Variants in TLN2 observed in about 807,000 individuals in gnomAD.
TLN2 encodes the protein talin-2.
A neutral mutation model predicts 294.7 loss-of-function variants in TLN2; 118 were observed. The observed-to-expected ratio is 0.40, with a 90% CI of 0.34 to 0.47. TLN2 has a LOEUF of 0.47. Ranked by LOEUF, TLN2 falls within the 20% of genes least tolerant of loss-of-function variation. TLN2 has a pLI of 0.84. For missense variants in TLN2, 3,083 were observed against 3,282.2 expected (o/e 0.94, Z 1.48); for synonymous variants, 1,431 against 1,304.5 (o/e 1.10, Z -2.09).
In TLN2 at chr15:62,414,346, C is replaced by G. The variant is rs116305175; in HGVS notation, c.-238+23661C>G. Among the ~76,000 whole-genome samples, 1,265 of 136,922 alleles carry G rather than the reference C, an allele frequency of 9.2e-3. 129 individuals are homozygous for G. The highest frequency in any genetic ancestry group is 0.031 in the African/African-American group (1,191 of 38,544). 89.8% of individuals were successfully genotyped at this position (136,922 alleles called of 152,430 possible). On this transcript the variant is annotated intron_variant, in intron 1 of 58. Coordinates refer to ENST00000636159, the MANE Select transcript of TLN2 (RefSeq NM_015059.3). ...TTCCAAGGGGATTGTGTTTGAGAACCAGTGGGCTTAATCTTGCCACTGAAT... is the reference window on the plus strand; with the variant it reads ...TTCCAAGGGGATTGTGTTTGAGAACGAGTGGGCTTAATCTTGCCACTGAAT...
At chr15:62,546,273 C>T (rs901946123) in intron 1 of TLN2, among the ~76,000 whole-genome samples, 5 of 152,132 alleles carry the variant, frequency 3.3e-5, no homozygotes, top group African/African-American at 1.2e-4. Flanking sequence ...GGAGATTTTC[C>T]TTTAAGAAGC....
chr15:62,530,106 G>T (rs898001283), intron 1 of TLN2, among the ~76,000 whole-genome samples: 2 of 152,144 alleles, frequency 1.3e-5, no homozygotes, highest in African/African-American at 4.8e-5. Flanking sequence ...CAGGAGAATT[G>T]CTTGAACCCG....
intron 9 of TLN2, among the ~76,000 whole-genome samples, chr15:62,658,387 G>T (rs1444369985): frequency 6.6e-6 from 1 of 152,184 alleles, no homozygotes; most frequent in Non-Finnish European, 1.5e-5. Flanking sequence ...CTTGACCCCA[G>T]TTTCACTTTG....
At chr15:62,584,364 T>G (rs565792903) in intron 1 of TLN2, among the ~76,000 whole-genome samples, 1 of 152,354 alleles carries the variant, frequency 6.6e-6, no homozygotes, top group South Asian at 2.1e-4. Flanking sequence ...TTTGCTGGAA[T>G]GCTGTTTTTA....
intron 9 of TLN2, among the ~76,000 whole-genome samples, chr15:62,668,907 A>AT (rs1388854852): frequency 9.9e-5 from 15 of 152,220 alleles, no homozygotes; most frequent in Non-Finnish European, 2.1e-4. Flanking sequence ...GTCATTTAAA[A>AT]TGTAGAATCA....
intron 2 of TLN2, among the ~76,000 whole-genome samples, chr15:62,595,008 G>A (rs372309214): frequency 5.3e-5 from 8 of 152,222 alleles, no homozygotes; most frequent in East Asian, 1.9e-4. Flanking sequence ...CTCAAAAGAA[G>A]ATACACAAAT....
At chr15:62,402,728 G>C (rs1289022808) in intron 1 of TLN2, among the ~76,000 whole-genome samples, 1 of 152,158 alleles carries the variant, frequency 6.6e-6, no homozygotes, top group Non-Finnish European at 1.5e-5. Flanking sequence ...CTCAGCTGAT[G>C]ACCTGGCTTA....
rs976094263 is a variant in TLN2, at chr15:62,684,544, T to G, written c.958-2097T>G. 2.6e-5 allele frequency among the ~76,000 whole-genome samples: 4 copies of G among 152,170 alleles called. 1 individual carries two copies. The highest frequency in any genetic ancestry group is 1.3e-4 in the Admixed American group (2 of 15,278). Reference sequence around the variant, plus strand: ...TCCCCTCCTCAGACACCCAGGTAGATTCCTCATACCATGGTGTCCTCCGTG... The same window carrying G: ...TCCCCTCCTCAGACACCCAGGTAGAGTCCTCATACCATGGTGTCCTCCGTG... On this transcript the variant is annotated intron_variant, in intron 11 of 58. Transcript: ENST00000636159.
intron 12 of TLN2, chr15:62,687,936 G>A (rs901849055): frequency 8.5e-5 from 13 of 152,210 alleles, no homozygotes; most frequent in Admixed American, 6.5e-4. Flanking sequence ...TTCTAAATTA[G>A]AAAAATCAAG....
intron 1 of TLN2, among the ~76,000 whole-genome samples, chr15:62,475,603 T>C (rs1354680055): frequency 6.6e-6 from 1 of 152,240 alleles, no homozygotes; most frequent in Non-Finnish European, 1.5e-5. Context: ...TTTCTTCTTG[T>C]TCTTATTCTT....
At position 62,796,985 on chromosome 15, in the gene TLN2, A is replaced by C. The variant is rs1304939795; in HGVS notation, c.6051-234A>C. ...TTGGTGGGCCTGACTCTTTCACTGAAGTTTTCATGTCAGTCGGCTATGTGA... is the reference window on the plus strand; with the variant it reads ...TTGGTGGGCCTGACTCTTTCACTGACGTTTTCATGTCAGTCGGCTATGTGA... On this transcript the variant is annotated intron_variant, in intron 47 of 58. Coordinates refer to ENST00000636159, the MANE Select transcript of TLN2 (RefSeq NM_015059.3). 3.9e-5 allele frequency among the ~76,000 whole-genome samples: 6 copies of C among 152,138 alleles called. No homozygotes were observed. The East Asian group carries it at 1.2e-3, about 29-fold the overall frequency.
At chr15:62,396,632 C>T (rs1326717822) in intron 1 of TLN2, among the ~76,000 whole-genome samples, 1 of 152,132 alleles carries the variant, frequency 6.6e-6, no homozygotes, top group Non-Finnish European at 1.5e-5. Flanking sequence ...CTTACAAGCA[C>T]TCTCCTTTAT....
At chr15:62,582,213 C>CACACACACACACACAT (rs2045130837) in intron 1 of TLN2, among the ~76,000 whole-genome samples, 1 of 131,984 alleles carries the variant, frequency 7.6e-6, no homozygotes, top group Non-Finnish European at 1.6e-5. Context: ...CACACACACA[C>CACACACACACACACAT]ACACACACAC....
chr15:62,499,311 G>A (rs773395516), intron 1 of TLN2, among the ~76,000 whole-genome samples: 9 of 152,068 alleles, frequency 5.9e-5, no homozygotes, highest in Non-Finnish European at 1.2e-4. Flanking sequence ...TTAGCCAGGC[G>A]TGGTGGTGCT....
At chr15:62,779,805 A>G (rs1462361645) in intron 43 of TLN2, among the ~76,000 whole-genome samples, 1 of 152,254 alleles carries the variant, frequency 6.6e-6, no homozygotes, top group Non-Finnish European at 1.5e-5. Flanking sequence ...GAAAGCTAAA[A>G]AAGTCTAGTG....
intron 1 of TLN2, among the ~76,000 whole-genome samples, chr15:62,541,787 T>C (rs976196057): frequency 1.3e-5 from 2 of 152,146 alleles, no homozygotes; most frequent in African/African-American, 4.8e-5. Flanking sequence ...AGTATGTGAA[T>C]CTGTGAGCCC....
In TLN2 at chr15:62,777,169, A is replaced by G. The variant is rs192129535; in HGVS notation, c.5514+259A>G. 2.5e-3 allele frequency among the ~76,000 whole-genome samples: 382 copies of G among 152,260 alleles called. 1 individual carries two copies. Among genetic ancestry groups the G allele is most frequent in the African/African-American group, 8.7e-3 (363 of 41,548 alleles). On this transcript the variant is annotated intron_variant, in intron 43 of 58. Transcript: ENST00000636159. ...GGAAAAGATATCATAGGTTTCCTCA[A>G]TTGTAAGATGGAAATTGATTATCTA...
intron 45 of TLN2, chr15:62,784,207 G>C (rs949729536): frequency 1.5e-5 from 6 of 405,334 alleles, no homozygotes; most frequent in Non-Finnish European, 2.2e-5. Flanking sequence ...CCCAAGCTTG[G>C]GACTGCCATC....
intron 54 of TLN2, chr15:62,831,121 A>T (rs1038067737): frequency 6.6e-6 from 1 of 152,040 alleles, no homozygotes; most frequent in African/African-American, 2.4e-5. Flanking sequence ...ATCCTATCAG[A>T]TCTACCCCTG....
Sources: allele counts gnomAD v4.1 joint callset (sites outside exome capture counted in the v4.1 genomes callset), GRCh38; gene constraint gnomAD v4.1.1; transcripts MANE v1.5; gene names NCBI Gene and HGNC (gene_info 2026-07-23, HGNC 2026-07-21).